MLLT3: variants seen among roughly 807,000 people sequenced by gnomAD.
The protein encoded by MLLT3 is protein AF-9.
In MLLT3, 4 loss-of-function variants were observed where a neutral mutation model predicts 53.2. The ratio of observed to expected loss-of-function variants is 0.08; its 90% CI spans 0.04 to 0.17. MLLT3 has a LOEUF of 0.17. MLLT3 is among the 10% of genes least tolerant of loss of function. The probability of loss-of-function intolerance (pLI) is 1.00; values close to 1 mark genes in which losing one functional copy is unlikely to be tolerated. For synonymous variants in MLLT3, 283 were observed against 230.6 expected (o/e 1.23, Z -2.06); for missense variants, 569 against 684.0 (o/e 0.83, Z 1.87).
At chr9:20,571,721 C>G (rs898026726) in intron 2 of MLLT3, among the ~76,000 whole-genome samples, 7 of 152,080 alleles carry the variant, frequency 4.6e-5, no homozygotes, top group Admixed American at 3.9e-4. Flanking sequence ...GGCAAAGGAC[C>G]TGAAAAGACA....
chr9:20,456,308 G>T (rs898041781), intron 3 of MLLT3, among the ~76,000 whole-genome samples: 4 of 152,006 alleles, frequency 2.6e-5, no homozygotes, highest in Non-Finnish European at 5.9e-5. Context: ...TATGGTGTGG[G>T]TACCAGCTAA....
intron 8 of MLLT3, among the ~76,000 whole-genome samples, chr9:20,359,093 C>A (rs963871807): frequency 8.0e-6 from 1 of 125,618 alleles, no homozygotes; most frequent in Non-Finnish European, 1.6e-5. Flanking sequence ...TGCAGTGAGC[C>A]AAGATCGCGC....
intron 2 of MLLT3, among the ~76,000 whole-genome samples, chr9:20,457,335 G>A (rs1365560047): frequency 7.6e-6 from 1 of 132,328 alleles, no homozygotes; most frequent in Non-Finnish European, 1.6e-5. Context: ...CACAACCTCC[G>A]CCTCCCTGGT....
intron 4 of MLLT3, among the ~76,000 whole-genome samples, chr9:20,445,083 T>A (rs1433184644): frequency 6.6e-6 from 1 of 151,376 alleles, no homozygotes; most frequent in Non-Finnish European, 1.5e-5. Flanking sequence ...AGAGTGAGAC[T>A]CCATCTCAAT....
intron 4 of MLLT3, among the ~76,000 whole-genome samples, chr9:20,435,918 CGGGG>C (rs1823390168): frequency 6.6e-6 from 1 of 152,000 alleles, no homozygotes. Flanking sequence ...ACACGCATGG[CGGGG>C]TAGTGGAATA....
chr9:20,470,448 A>G (rs1457193676), intron 2 of MLLT3, among the ~76,000 whole-genome samples: 3 of 151,982 alleles, frequency 2.0e-5, no homozygotes, highest in African/African-American at 7.2e-5. Flanking sequence ...TTCCCTCCTA[A>G]ATAGCAACGT....
chr9:20,490,272 G>A (rs1370935856), intron 2 of MLLT3, among the ~76,000 whole-genome samples: 1 of 152,238 alleles, frequency 6.6e-6, no homozygotes, highest in Non-Finnish European at 1.5e-5. Flanking sequence ...AGGATATGAA[G>A]ATTATCCAGA....
At chr9:20,526,102 C>A (rs971254250) in intron 2 of MLLT3, among the ~76,000 whole-genome samples, 2 of 152,136 alleles carry the variant, frequency 1.3e-5, no homozygotes, top group Non-Finnish European at 2.9e-5. Flanking sequence ...ATAAAAATCA[C>A]GTAAAACCAA....
At chr9:20,401,551 A>C (rs1405437124) in intron 5 of MLLT3, among the ~76,000 whole-genome samples, 2 of 152,184 alleles carry the variant, frequency 1.3e-5, no homozygotes, top group African/African-American at 4.8e-5. Context: ...GTGTTCCTCC[A>C]TACTTTCCAT....
intron 2 of MLLT3, among the ~76,000 whole-genome samples, chr9:20,553,093 C>A (rs1818965859): frequency 6.6e-6 from 1 of 152,154 alleles, no homozygotes; most frequent in Non-Finnish European, 1.5e-5. Flanking sequence ...TTCTTCTTCA[C>A]CACCAGAGGT....
In MLLT3 at chr9:20,553,047, A is replaced by G. The variant is rs551154665; in HGVS notation, c.193+67607T>C. 1.3e-3 allele frequency among the ~76,000 whole-genome samples: 201 copies of G among 152,332 alleles called. 1 individual carries two copies. The highest frequency in any genetic ancestry group is 2.0e-3 in the Non-Finnish European group (138 of 68,018). Reference sequence around the variant, plus strand: ...ACATCCAGAAAGTACTACAGAACATATGAGAATCTGATCTTTTATTATGAG... The same window carrying G: ...ACATCCAGAAAGTACTACAGAACATGTGAGAATCTGATCTTTTATTATGAG... On this transcript the variant is annotated intron_variant, in intron 2 of 10. Coordinates refer to ENST00000380338, the MANE Select transcript of MLLT3 (RefSeq NM_004529.4).
At chr9:20,511,010 T>C (rs904071852) in intron 2 of MLLT3, among the ~76,000 whole-genome samples, 1 of 152,180 alleles carries the variant, frequency 6.6e-6, no homozygotes, top group Non-Finnish European at 1.5e-5. Flanking sequence ...GAATTATATA[T>C]CTGCATCTAT....
chr9:20,397,963 C>T (rs992967850), intron 5 of MLLT3, among the ~76,000 whole-genome samples: 28 of 152,232 alleles, frequency 1.8e-4, no homozygotes, highest in African/African-American at 6.5e-4. Context: ...GAACTAACTT[C>T]ATCTTCCACA....
At chr9:20,430,148 A>G (rs1168960135) in intron 4 of MLLT3, among the ~76,000 whole-genome samples, 12 of 152,196 alleles carry the variant, frequency 7.9e-5, no homozygotes, top group Admixed American at 7.9e-4. Flanking sequence ...AGTAGCTAGG[A>G]ATAAATAAAG....
intron 2 of MLLT3, among the ~76,000 whole-genome samples, chr9:20,509,599 T>A (rs1166136411): frequency 6.6e-6 from 1 of 152,170 alleles, no homozygotes; most frequent in Admixed American, 6.5e-5. Context: ...GCATAAATAA[T>A]TGAAATACTG....
intron 2 of MLLT3, among the ~76,000 whole-genome samples, chr9:20,490,619 C>A (rs933727418): frequency 6.6e-6 from 1 of 152,250 alleles, no homozygotes. Flanking sequence ...AGGAAACCCA[C>A]AGCAGAGAAA....
intron 3 of MLLT3, among the ~76,000 whole-genome samples, chr9:20,454,305 C>A (rs548809326): frequency 7.2e-5 from 11 of 152,014 alleles, no homozygotes; most frequent in Admixed American, 1.3e-4. Context: ...GTGATACTTG[C>A]TGCCTCTTCA....
rs1039923005 is a variant in MLLT3 at position 20,501,561 on chromosome 9, C to G, written c.194-44775G>C. 1.3e-5 allele frequency among the ~76,000 whole-genome samples: 2 copies of G among 151,192 alleles called. 1 individual carries two copies. Among genetic ancestry groups the G allele is most frequent in the Middle Eastern group, 6.9e-3 (2 of 290 alleles). Reference sequence around the variant, plus strand: ...GGTCAGGAGATCGAGACCATCCTGGCTAACAAGGTGAAACCCCGTCTCTAC... The same window carrying G: ...GGTCAGGAGATCGAGACCATCCTGGGTAACAAGGTGAAACCCCGTCTCTAC... On this transcript the variant is annotated intron_variant, in intron 2 of 10. Coordinates refer to ENST00000380338, the MANE Select transcript of MLLT3 (RefSeq NM_004529.4).
intron 2 of MLLT3, among the ~76,000 whole-genome samples, chr9:20,532,327 A>C (rs886381270): frequency 9.2e-5 from 14 of 152,002 alleles, no homozygotes; most frequent in African/African-American, 3.4e-4. Flanking sequence ...AAATATATAT[A>C]TATAAATCAC....
Sources: allele counts gnomAD v4.1 joint callset (sites outside exome capture counted in the v4.1 genomes callset), GRCh38; gene constraint gnomAD v4.1.1; transcripts MANE v1.5; gene names NCBI Gene and HGNC (gene_info 2026-07-23, HGNC 2026-07-21).